TIAM1: variants seen among roughly 807,000 people sequenced by gnomAD.
The protein encoded by TIAM1 is rho guanine nucleotide exchange factor TIAM1.
Under a neutral mutation model 163.5 loss-of-function variants are expected in TIAM1, and 65 were observed. The ratio of observed to expected loss-of-function variants is 0.40; its 90% CI spans 0.33 to 0.49. The LOEUF is 0.49. Among genes scored for constraint, TIAM1 ranks in the 20% least tolerant of loss-of-function variants. The probability of loss-of-function intolerance (pLI) is 0.77; values close to 1 mark genes in which losing one functional copy is unlikely to be tolerated. For synonymous variants in TIAM1, 833 were observed against 810.1 expected (o/e 1.03, Z -0.48); for missense variants, 1,789 against 2,044.7 (o/e 0.87, Z 2.41).
intron 11 of TIAM1, among the ~76,000 whole-genome samples, chr21:31,207,021 C>T (rs1351365828): frequency 2.6e-5 from 4 of 152,212 alleles, no homozygotes; most frequent in East Asian, 1.9e-4. Context: ...TTTCTCTAAA[C>T]GCCAATGGTT....
chr21:31,273,314 A>G (rs559598643), intron 3 of TIAM1, among the ~76,000 whole-genome samples: 2 of 152,062 alleles, frequency 1.3e-5, no homozygotes, highest in Admixed American at 6.5e-5. Context: ...GATCTTAGAG[A>G]AAAGAGAACT....
intron 8 of TIAM1, among the ~76,000 whole-genome samples, chr21:31,221,307 G>C (rs1183348965): frequency 1.3e-5 from 2 of 152,194 alleles, no homozygotes; most frequent in East Asian, 1.9e-4. Flanking sequence ...GGAACATATT[G>C]AAACACCCAG....
intron 23 of TIAM1, among the ~76,000 whole-genome samples, chr21:31,133,694 T>C (rs985443482): frequency 8.5e-5 from 13 of 152,248 alleles, no homozygotes; most frequent in African/African-American, 2.9e-4. Context: ...TTCATTTACA[T>C]GTTATCTAGG....
intron 16 of TIAM1, chr21:31,161,048 T>A (rs1393434974): frequency 7.3e-6 from 1 of 136,422 alleles, no homozygotes; most frequent in Non-Finnish European, 1.5e-5. Flanking sequence ...TGTGTGTGTG[T>A]GTGTGTGTGT....
At position 31,546,555 on chromosome 21, in the gene TIAM1, A is replaced by AG. The variant is rs1569425697; in HGVS notation, c.-422+12371_-422+12372insC. Among the ~76,000 whole-genome samples the AG allele has an allele frequency of 4.7e-5, 6 of 128,984 alleles. No homozygotes were observed. The East Asian group carries it at 1.0e-3, about 22-fold the overall frequency. The allele number at this position is 128,984 out of a possible 152,430, so 84.6% of individuals were successfully genotyped here. A position where few individuals can be genotyped will look rare whatever the true frequency, so the allele number is the denominator to read the frequency against. On this transcript the variant is annotated intron_variant, in intron 1 of 28. Coordinates refer to the TIAM1 transcript ENST00000286827. The stretch of plus-strand genomic sequence containing the variant: ...ACAGAGCAAGACTCCATCTCAAAAA[A>AG]AAAAGAAAGAAAGAAAGAAAGAAAG...
intron 2 of TIAM1, among the ~76,000 whole-genome samples, chr21:31,450,117 A>G (rs1009341137): frequency 2.0e-5 from 3 of 152,088 alleles, no homozygotes; most frequent in African/African-American, 7.2e-5. Flanking sequence ...AAGCATTGCT[A>G]CCCTTTTCCC....
chr21:31,290,618 GC>G (rs2073982544), intron 2 of TIAM1, among the ~76,000 whole-genome samples: 1 of 128,950 alleles, frequency 7.8e-6, no homozygotes, highest in African/African-American at 3.0e-5. Context: ...CTGCACTCCG[GC>G]CCCGGTAACA....
chr21:31,272,704 T>C (rs1055309950), intron 3 of TIAM1, among the ~76,000 whole-genome samples: 1 of 152,188 alleles, frequency 6.6e-6, no homozygotes, highest in Non-Finnish European at 1.5e-5. Context: ...CTAATGAAAC[T>C]GTAGTTTAAA....
chr21:31,408,645 A>T (rs2077290118), intron 2 of TIAM1, among the ~76,000 whole-genome samples: 1 of 152,202 alleles, frequency 6.6e-6, no homozygotes, highest in African/African-American at 2.4e-5. Flanking sequence ...TGACACTCTC[A>T]TCAACGTGAA....
chr21:31,449,669 C>A (rs1360520858), intron 2 of TIAM1, among the ~76,000 whole-genome samples: 4 of 152,174 alleles, frequency 2.6e-5, no homozygotes, highest in Non-Finnish European at 4.4e-5. Flanking sequence ...GGAGCCACTG[C>A]GCCTGGTCTG....
rs531167849 is a variant in TIAM1 at position 31,196,497 on chromosome 21, T to G, written c.2494-1192A>C. Among the ~76,000 whole-genome samples the G allele has an allele frequency of 4.1e-4, 62 of 151,428 alleles. No homozygotes were observed. The South Asian group carries it at 8.4e-3, about 20-fold the overall frequency. The stretch of plus-strand genomic sequence containing the variant: ...TGGCTAATTTTTTTTTTTTTTGTAT[T>G]TTTAGTGGAGATGGGGTTTTGCCAT... On this transcript the variant is annotated intron_variant, in intron 12 of 27. Transcript: ENST00000541036.
chr21:31,397,688 G>C (rs1055917140), intron 2 of TIAM1, among the ~76,000 whole-genome samples: 18 of 152,126 alleles, frequency 1.2e-4, no homozygotes, highest in African/African-American at 4.3e-4. Context: ...ATCTGTTAGG[G>C]GGAGTCTTCC....
At chr21:31,437,625 C>T (rs1469257628) in intron 2 of TIAM1, among the ~76,000 whole-genome samples, 4 of 152,050 alleles carry the variant, frequency 2.6e-5, no homozygotes, top group African/African-American at 9.7e-5. Flanking sequence ...GTGACTGGAT[C>T]ACGAGGGTGG....
intron 2 of TIAM1, among the ~76,000 whole-genome samples, chr21:31,430,224 AAATATATAT>A (rs1293798802): frequency 7.7e-5 from 7 of 90,928 alleles, no homozygotes; most frequent in African/African-American, 4.1e-4. Flanking sequence ...AAAAAAAAAA[AAATATATAT>A]ATATATATAT....
intron 3 of TIAM1, among the ~76,000 whole-genome samples, chr21:31,272,138 A>G (rs961272458): frequency 2.0e-5 from 3 of 152,224 alleles, no homozygotes; most frequent in African/African-American, 7.2e-5. Context: ...CCTACAGCTG[A>G]GCAAAATCAT....
chr21:31,490,565 G>A (rs750879781), intron 1 of TIAM1, among the ~76,000 whole-genome samples: 2 of 152,070 alleles, frequency 1.3e-5, no homozygotes, highest in Non-Finnish European at 2.9e-5. Flanking sequence ...GGGAACCGCC[G>A]CTGCCCAGCC....
intron 2 of TIAM1, among the ~76,000 whole-genome samples, chr21:31,295,408 TGCAG>T (rs2074210418): frequency 7.1e-6 from 1 of 140,664 alleles, no homozygotes; most frequent in Non-Finnish European, 1.5e-5. Flanking sequence ...AGGCGGAGCT[TGCAG>T]TGCGCCGAGA....
At chr21:31,437,421 T>C (rs764608996) in intron 2 of TIAM1, among the ~76,000 whole-genome samples, 37 of 150,320 alleles carry the variant, frequency 2.5e-4, no homozygotes, top group Non-Finnish European at 4.1e-4. Context: ...GAGGATCAAT[T>C]GACCCTGGGA....
chr21:31,539,467 G>A (rs1027646898), intron 1 of TIAM1, among the ~76,000 whole-genome samples: 2 of 151,502 alleles, frequency 1.3e-5, no homozygotes, highest in Non-Finnish European at 2.9e-5. Context: ...GGGTTTCACC[G>A]TGTTAGCCAG....
Sources: allele counts gnomAD v4.1 joint callset (sites outside exome capture counted in the v4.1 genomes callset), GRCh38; gene constraint gnomAD v4.1.1; transcripts MANE v1.5; gene names NCBI Gene and HGNC (gene_info 2026-07-23, HGNC 2026-07-21).